The following DENND3 variants were observed in gnomAD, a reference collection of about 807,000 sequenced individuals.
DENND3 encodes the protein DENN domain-containing protein 3.
In DENND3, 88 loss-of-function variants were observed where a neutral mutation model predicts 135.1. The ratio of observed to expected loss-of-function variants is 0.65; its 90% CI spans 0.55 to 0.78. The LOEUF (loss-of-function observed/expected upper bound fraction) is 0.78, where lower values mean the gene tolerates loss of function less well. DENND3 is among the 30% of genes least tolerant of loss of function. The pLI, the probability that DENND3 is intolerant of heterozygous loss-of-function variation, is 0.00. For synonymous variants in DENND3, 693 were observed against 712.3 expected (o/e 0.97, Z 0.43); for missense variants, 1,392 against 1,688.4 (o/e 0.82, Z 3.08).
In DENND3 at chr8:141,141,546, G is replaced by T; in HGVS notation, c.623+222G>T. 1 of 570,654 alleles carries T rather than the reference G, an allele frequency of 1.8e-6. No homozygotes were observed. The highest frequency in any genetic ancestry group is 3.1e-6 in the Non-Finnish European group (1 of 320,996). The allele number at this position is 570,654 out of a possible 1,614,324, so 35.3% of individuals were successfully genotyped here. A position where few individuals can be genotyped will look rare whatever the true frequency, so the allele number is the denominator to read the frequency against. On this transcript the variant is annotated intron_variant, in intron 4 of 22. Transcript: ENST00000519811. The surrounding 1 kb of genome is among the most constrained non-coding windows in gnomAD (Gnocchi z 5.3). ...GGCAGTGGGCAGGGGGTGTGGCAGCGGGCGCTCCTCTCTGTGACTGGTAAC... is the reference window on the plus strand; with the variant it reads ...GGCAGTGGGCAGGGGGTGTGGCAGCTGGCGCTCCTCTCTGTGACTGGTAAC...
rs970563750 is a variant in DENND3, at chr8:141,139,774, C to T, written c.502-1429C>T. On this transcript the variant is annotated intron_variant, in intron 3 of 22. Coordinates refer to ENST00000519811, the MANE Select transcript of DENND3 (RefSeq NM_001352890.3). The surrounding 1 kb of genome is among the most constrained non-coding windows in gnomAD (Gnocchi z 4.2). ...GCAGATGCCACTGTTCCCAGTGTGCCGGCCTGGCGTGGGCATGCCTGGTCC... is the reference window on the plus strand; with the variant it reads ...GCAGATGCCACTGTTCCCAGTGTGCTGGCCTGGCGTGGGCATGCCTGGTCC... 2.6e-5 allele frequency among the ~76,000 whole-genome samples: 4 copies of T among 152,218 alleles called. No individual in the cohort carries two copies. Among genetic ancestry groups the T allele is most frequent in the East Asian group, 1.9e-4 (1 of 5,202 alleles).
At chr8:141,142,398 C>G (rs763658628) in intron 4 of DENND3, 5 of 456,950 alleles carry the variant, frequency 1.1e-5, no homozygotes, top group African/African-American at 6.0e-5. Flanking sequence ...TTGCTTCTTG[C>G]AAAGCACAGT....
At chr8:141,180,946 G>T (rs981493329) in intron 17 of DENND3, 92 bp downstream of exon 17, 6 of 1,009,008 alleles carry the variant, frequency 5.9e-6, no homozygotes, top group Non-Finnish European at 8.7e-6. Flanking sequence ...AGTGAAAGGG[G>T]AGCCAGTGTC....
chr8:141,136,911 A>G, intron 2 of DENND3, 120 bp downstream of exon 2: 1 of 952,074 alleles, frequency 1.1e-6, no homozygotes, highest in Non-Finnish European at 1.4e-6. Flanking sequence ...GGGACCCCTC[A>G]CTGCCTCCTC....
Position 141,168,176 on chromosome 8 carries a change from C to T in DENND3, c.1926C>T (p.Leu642=), listed in dbSNP as rs2154613198. The T allele has an allele frequency of 6.2e-7, 1 of 1,614,210 alleles. No individual in the cohort carries two copies. Among genetic ancestry groups the T allele is most frequent in the Admixed American group, 1.7e-5 (1 of 60,028 alleles). Residue 642 remains leucine (L), a synonymous_variant, in exon 13 of 23, where the codon CTC becomes CTT. Coordinates refer to ENST00000519811, the MANE Select transcript of DENND3 (RefSeq NM_001352890.3). The surrounding 1 kb of genome is among the most constrained non-coding windows in gnomAD (Gnocchi z 6.2). ...TGCTCCTGGCCCGCTATTTGTACCT[C>T]CGAGGGCTCGTTTATCTGATGCAGG... The part of the protein sequence containing the change: ...NSLLLARYLY[L]RGLVYLMQGQ...
At position 141,155,963 on chromosome 8, in the gene DENND3, A is replaced by G. The variant is rs1411127149; in HGVS notation, c.1189A>G (p.Ile397Val). ...CCCCCTCCTGGCAGCCCAGACGTTT[A>G]TTCAGAGGTAACGGGAAACATTAAT... Reference protein sequence around the residue: ...DVPLLAAQTFIQRVQSLQLHH... With the variant: ...DVPLLAAQTFVQRVQSLQLHH... The change falls in exon 8 of 23, where the codon ATT (isoleucine) becomes GTT (valine). Residue 397 changes from isoleucine to valine, a missense_variant. Coordinates refer to ENST00000519811, the MANE Select transcript of DENND3 (RefSeq NM_001352890.3). The G allele has an allele frequency of 2.5e-6, 4 of 1,606,874 alleles. No homozygotes were observed. The highest frequency in any genetic ancestry group is 2.6e-6 in the Non-Finnish European group (3 of 1,176,072).
At chr8:141,172,809 G>A (rs1021594351) in intron 13 of DENND3, among the ~76,000 whole-genome samples, 5 of 152,080 alleles carry the variant, frequency 3.3e-5, no homozygotes, top group African/African-American at 1.2e-4. Context: ...ATTTCAAGAG[G>A]CCCAGGCTAG....
At chr8:141,190,865 C>T (rs1245167429) in intron 20 of DENND3, among the ~76,000 whole-genome samples, 6 of 152,218 alleles carry the variant, frequency 3.9e-5, no homozygotes, top group African/African-American at 1.2e-4. Flanking sequence ...TGGGACTCTC[C>T]GTGGACCCAG....
intron 5 of DENND3, among the ~76,000 whole-genome samples, chr8:141,147,853 G>T (rs955400034): frequency 6.6e-6 from 1 of 152,188 alleles, no homozygotes; most frequent in South Asian, 2.1e-4. Flanking sequence ...GGGATGCCTC[G>T]GATTGCTGTG....
rs1000731541 is a variant in DENND3 at position 141,128,725 on chromosome 8, G to T, written c.18G>T (p.Ser6=). The change falls in exon 1 of 23, where the codon TCG becomes TCT. Residue 6 remains serine (S), a synonymous_variant. Transcript: ENST00000519811. This position sits in a 1 kb window ranked among gnomAD's most constrained non-coding sequence, Gnocchi z 4.5. MAEAA[S]PHLSLPSGLL... ...GGGCAGCCATGGCGGAGGCCGCGTCGCCGCACTTGTCGCTGCCCTCGGGGC... is the reference window on the plus strand; with the variant it reads ...GGGCAGCCATGGCGGAGGCCGCGTCTCCGCACTTGTCGCTGCCCTCGGGGC... 3 of 1,432,212 alleles carry T rather than the reference G, an allele frequency of 2.1e-6. No homozygotes were observed. Among genetic ancestry groups the T allele is most frequent in the Admixed American group, 2.6e-5 (1 of 37,954 alleles). 88.7% of individuals were successfully genotyped at this position (1,432,212 alleles called of 1,614,324 possible).
chr8:141,172,453 T>C (rs2154613256), intron 13 of DENND3, among the ~76,000 whole-genome samples: 1 of 152,222 alleles, frequency 6.6e-6, no homozygotes, highest in South Asian at 2.1e-4. Context: ...CACACTGAGG[T>C]CAGCGCTGTT....
In DENND3 at chr8:141,185,270, G is replaced by A. The variant is rs766495610; in HGVS notation, c.3076G>A (p.Ala1026Thr). 2.5e-6 allele frequency: 4 copies of A among 1,614,078 alleles called. No individual in the cohort carries two copies. In the African/African-American group the frequency reaches 5.3e-5, roughly 22 times the overall value. ...IHQHSFKVGT[A>T]KVNCMVMADQ... ...CCAGCACTCCTTTAAAGTGGGCACT[G>A]CAAAAGTGGTGAGTACACGAAGCGT... Residue 1026 changes from alanine to threonine, a missense_variant, in exon 18 of 23, where the codon GCA becomes ACA. By Grantham distance (58) the Ala-to-Thr change is moderately conservative. Transcript: ENST00000519811.
At chr8:141,145,830 TATATATATATATATATATATG>T (rs1439511479) in intron 5 of DENND3, among the ~76,000 whole-genome samples, 1,349 of 86,868 alleles carry the variant, frequency 0.016, 120 homozygotes, top group Admixed American at 0.086. Flanking sequence ...TATATATATA[TATATATATATATATATATATG>T]TATTTTTTTT....
At chr8:141,183,627 C>T (rs1823469112) in intron 17 of DENND3, among the ~76,000 whole-genome samples, 1 of 151,238 alleles carries the variant, frequency 6.6e-6, no homozygotes, top group South Asian at 2.1e-4. Flanking sequence ...TTCACGGTGA[C>T]ACAAAATTGA....
At chr8:141,129,860 C>T (rs922436821) in intron 1 of DENND3, 6 of 152,240 alleles carry the variant, frequency 3.9e-5, no homozygotes, top group Non-Finnish European at 5.9e-5. Context: ...CCCTGCTGGG[C>T]GTCAGTACCA....
intron 16 of DENND3, among the ~76,000 whole-genome samples, chr8:141,179,689 T>C (rs1813311533): frequency 6.6e-6 from 1 of 152,244 alleles, no homozygotes; most frequent in Non-Finnish European, 1.5e-5. Context: ...CAGCCCGGTG[T>C]AGCCCGCCAG....
intron 16 of DENND3, among the ~76,000 whole-genome samples, chr8:141,178,731 C>T (rs1199367807): frequency 6.6e-6 from 1 of 152,246 alleles, no homozygotes; most frequent in Non-Finnish European, 1.5e-5. Context: ...GTCAGCTTCC[C>T]CAGACAGGAA....
At position 141,138,902 on chromosome 8, in the gene DENND3, G is replaced by A. The variant is rs146276463; in HGVS notation, c.501+765G>A. Among the ~76,000 whole-genome samples the A allele has an allele frequency of 1.1e-4, 17 of 152,274 alleles. No homozygotes were observed. The highest frequency in any genetic ancestry group is 8.5e-4 in the Admixed American group (13 of 15,300). Reference sequence around the variant, plus strand: ...TTATTTCTCCGTGTATCCGTCGATGGACCTGTGGGTTGTTTCCGCCTTTTG... The same window carrying A: ...TTATTTCTCCGTGTATCCGTCGATGAACCTGTGGGTTGTTTCCGCCTTTTG... On this transcript the variant is annotated intron_variant, in intron 3 of 22. Coordinates refer to ENST00000519811, the MANE Select transcript of DENND3 (RefSeq NM_001352890.3). The surrounding 1 kb of genome is among the most constrained non-coding windows in gnomAD (Gnocchi z 4.8).
intron 17 of DENND3, among the ~76,000 whole-genome samples, chr8:141,184,327 C>T (rs1027960563): frequency 8.5e-5 from 13 of 152,198 alleles, no homozygotes; most frequent in Non-Finnish European, 1.0e-4. Flanking sequence ...TCCAGAACAC[C>T]GGAACAGCTG....
Sources: allele counts gnomAD v4.1 joint callset (sites outside exome capture counted in the v4.1 genomes callset), GRCh38; gene constraint gnomAD v4.1.1; non-coding constraint Gnocchi (gnomAD v3.1); transcripts MANE v1.5; gene names NCBI Gene and HGNC (gene_info 2026-07-23, HGNC 2026-07-21).